The following ZNF658 variants were observed in gnomAD, a reference collection of about 807,000 sequenced individuals.
The protein encoded by ZNF658 is zinc finger protein 658.
A neutral mutation model predicts 78.0 loss-of-function variants in ZNF658; 46 were observed. The observed-to-expected ratio is 0.59, with a 90% CI of 0.47 to 0.75. ZNF658 has a LOEUF of 0.75. Among genes scored for constraint, ZNF658 ranks in the 30% least tolerant of loss-of-function variants. The probability of loss-of-function intolerance (pLI) is 0.00; values close to 1 mark genes in which losing one functional copy is unlikely to be tolerated. For missense variants in ZNF658, 785 were observed against 1,189.3 expected (o/e 0.66, Z 5.00); for synonymous variants, 279 against 408.4 (o/e 0.68, Z 3.82).
At position 66,918,826 on chromosome 9, in the gene ZNF658, C is replaced by A. The variant is rs748946508; in HGVS notation, c.1260C>A (p.Ser420=). Reference sequence around the variant, plus strand: ...ACCAATATGAGGAATGTGCAAAATCCTTTTGTTCAAGTTCACATCCTATTC... The same window carrying A: ...ACCAATATGAGGAATGTGCAAAATCATTTTGTTCAAGTTCACATCCTATTC... ...KTYQYEECAK[S]FCSSSHPIQH... The change falls in exon 5 of 5, where the codon TCC becomes TCA. Residue 420 remains serine (S), a synonymous_variant. Transcript: ENST00000621410. 1 of 1,612,846 alleles carries A rather than the reference C, an allele frequency of 6.2e-7. No individual in the cohort carries two copies. The highest frequency in any genetic ancestry group is 1.7e-5 in the Admixed American group (1 of 59,856).
At chr9:66,930,246 A>G (rs1403917074) in intron 6 of ZNF658, among the ~76,000 whole-genome samples, 1 of 128,200 alleles carries the variant, frequency 7.8e-6, no homozygotes, top group Non-Finnish European at 1.7e-5. Flanking sequence ...TGGGTTTATG[A>G]GTCAGATTTA....
rs778090967 is a variant in ZNF658, at chr9:66,918,175, T to C, written c.609T>C (p.Asp203=). The change falls in exon 5 of 5, where the codon GAT becomes GAC. Residue 203 remains aspartate, a synonymous_variant. Transcript: ENST00000621410. The stretch of plus-strand genomic sequence containing the variant: ...CTAAAGCTTTCAGTTATAAGAAAGA[T>C]CAGCATTGGAAATTTCAAACTTTGG... The part of the protein sequence containing the change: ...ENAKAFSYKK[D]QHWKFQTLEE... 2 of 1,607,990 alleles carry C rather than the reference T, an allele frequency of 1.2e-6. No homozygotes were observed. Among genetic ancestry groups the C allele is most frequent in the Non-Finnish European group, 1.7e-6 (2 of 1,177,932 alleles).
In ZNF658 at chr9:66,913,152, C is replaced by T. The variant is rs574269056; in HGVS notation, c.238+4418C>T. Among the ~76,000 whole-genome samples, 29 of 150,888 alleles carry T rather than the reference C, an allele frequency of 1.9e-4. No homozygotes were observed. In the South Asian group the frequency reaches 5.2e-3, roughly 27 times the overall value. On this transcript the variant is annotated intron_variant, in intron 4 of 4. Coordinates refer to ENST00000621410, the MANE Select transcript of ZNF658 (RefSeq NM_033160.7). Reference sequence around the variant, plus strand: ...TTAATGTAGAAGCCTCAGCTAGGCACGGTGGCTCACACCTGTAATCCTAGC... The same window carrying T: ...TTAATGTAGAAGCCTCAGCTAGGCATGGTGGCTCACACCTGTAATCCTAGC...
At chr9:66,910,639 T>G (rs1253265717) in intron 4 of ZNF658, among the ~76,000 whole-genome samples, 2 of 151,942 alleles carry the variant, frequency 1.3e-5, no homozygotes, top group Non-Finnish European at 2.9e-5. Flanking sequence ...AAACCCTGTC[T>G]CTACTAAAAA....
downstream of ZNF658, among the ~76,000 whole-genome samples, chr9:66,922,241 C>G (rs1257468571): frequency 4.0e-5 from 6 of 150,582 alleles, no homozygotes; most frequent in Admixed American, 4.0e-4. Context: ...TTTCCAGGTA[C>G]TGTCTGTCAG....
chr9:66,931,893 A>G (rs1478291663), intron 6 of ZNF658: 1 of 151,402 alleles, frequency 6.6e-6, no homozygotes, highest in Non-Finnish European at 1.5e-5. Flanking sequence ...AACCATAGCC[A>G]TCTGGTATTC....
At chr9:66,927,554 T>C (rs1822597823) in intron 6 of ZNF658, among the ~76,000 whole-genome samples, 2 of 147,238 alleles carry the variant, frequency 1.4e-5, no homozygotes, top group Admixed American at 6.8e-5. Flanking sequence ...TTACCATTCC[T>C]ATGTTCATTG....
chr9:66,901,819 C>T (rs1438426900), intron 1 of ZNF658, among the ~76,000 whole-genome samples: 1 of 151,918 alleles, frequency 6.6e-6, no homozygotes, highest in Non-Finnish European at 1.5e-5. Context: ...TGGTGCACTC[C>T]TGTAATCCCA....
intron 2 of ZNF658, among the ~76,000 whole-genome samples, chr9:66,906,261 C>G (rs557376008): frequency 1.3e-5 from 2 of 151,530 alleles, no homozygotes; most frequent in Admixed American, 1.3e-4. Flanking sequence ...CACCCCAAAC[C>G]TTAGGGTCAC....
In ZNF658 at chr9:66,918,654, A is replaced by C. The variant is rs1035627909; in HGVS notation, c.1088A>C (p.Tyr363Ser). 1 of 1,613,774 alleles carries C rather than the reference A, an allele frequency of 6.2e-7. No homozygotes were observed. Among genetic ancestry groups the C allele is most frequent in the Non-Finnish European group, 8.5e-7 (1 of 1,179,784 alleles). The stretch of plus-strand genomic sequence containing the variant: ...CATAATGAATGTACAGATGCCCTCT[A>C]CCAGAAATTAGACTTTACAGCACAT... ...GEHNECTDAL[Y>S]QKLDFTAHQR... Residue 363 changes from tyrosine (Y) to serine (S), a missense_variant, in exon 5 of 5, where the codon TAC becomes TCC. Tyr to Ser is a moderately radical substitution (Grantham distance 144, BLOSUM62 -2). Coordinates refer to ENST00000621410, the MANE Select transcript of ZNF658 (RefSeq NM_033160.7).
Position 66,908,351 on chromosome 9 carries a change from C to T in ZNF658, c.129C>T (p.His43=). The change falls in exon 3 of 5, where the codon CAC becomes CAT. Residue 43 remains histidine (H), a synonymous_variant. Coordinates refer to ENST00000621410, the MANE Select transcript of ZNF658 (RefSeq NM_033160.7). The part of the protein sequence containing the change: ...YRDVMLENYS[H]LISVGYCITK... The stretch of plus-strand genomic sequence containing the variant: ...ATGTGATGCTGGAGAACTACAGCCA[C>T]CTCATCTCAGTGGGTGAGCATAGCT... 5 of 1,614,010 alleles carry T rather than the reference C, an allele frequency of 3.1e-6. No individual in the cohort carries two copies. Among genetic ancestry groups the T allele is most frequent in the Non-Finnish European group, 4.2e-6 (5 of 1,179,976 alleles).
chr9:66,929,860 T>G (rs1254266311), intron 6 of ZNF658, among the ~76,000 whole-genome samples: 1 of 131,238 alleles, frequency 7.6e-6, no homozygotes, highest in Admixed American at 8.1e-5. Flanking sequence ...CTCGGCTCGC[T>G]GCAACCTTCG....
chr9:66,909,870 C>T (rs1822172464), intron 4 of ZNF658, among the ~76,000 whole-genome samples: 1 of 152,168 alleles, frequency 6.6e-6, no homozygotes, highest in Non-Finnish European at 1.5e-5. Context: ...AACAGAAATT[C>T]TCATGATTCT....
rs542593720 is a variant in ZNF658, at chr9:66,917,976, G to A, written c.410G>A (p.Cys137Tyr). 13 of 1,603,008 alleles carry A rather than the reference G, an allele frequency of 8.1e-6. No individual in the cohort carries two copies. The East Asian group carries it at 1.8e-4, about 22-fold the overall frequency. The change falls in exon 5 of 5, where the codon TGT becomes TAT. Residue 137 changes from cysteine (C) to tyrosine (Y), a missense_variant. Cys to Tyr is a radical substitution (Grantham distance 194). This residue lies in a region of ZNF658 where 54 missense variants were observed against 48.9 expected (regional missense o/e 1.10). Coordinates refer to ENST00000621410, the MANE Select transcript of ZNF658 (RefSeq NM_033160.7). ...CCAGAGCTTTCAGAAAAAATATCCTGTAAATGTGACTCACACAGAATGAAT... is the reference window on the plus strand; with the variant it reads ...CCAGAGCTTTCAGAAAAAATATCCTATAAATGTGACTCACACAGAATGAAT... The part of the protein sequence containing the change: ...IAPELSEKIS[C>Y]KCDSHRMNLP...
rs770230627 is a variant in ZNF658, at chr9:66,919,686, T to A, written c.2120T>A (p.Ile707Asn). Residue 707 changes from isoleucine (I) to asparagine (N), a missense_variant, in exon 5 of 5, where the codon ATT becomes AAT. Physicochemically the swap from Ile to Asn is moderately radical, Grantham distance 149. This residue lies in a region of ZNF658 where 75 missense variants were observed against 147.1 expected (regional missense o/e 0.51). Coordinates refer to ENST00000621410, the MANE Select transcript of ZNF658 (RefSeq NM_033160.7). Reference protein sequence around the residue: ...HNSALKIHQRIHTGEKPYECN... With the variant: ...HNSALKIHQRNHTGEKPYECN... ...TCAGCCCTCAAAATACATCAGAGAA[T>A]TCACACGGGGGAGAAACCCTATGAA... The A allele has an allele frequency of 1.2e-6, 2 of 1,612,720 alleles. No homozygotes were observed. Among genetic ancestry groups the A allele is most frequent in the African/African-American group, 2.7e-5 (2 of 74,788 alleles).
chr9:66,903,850 G>T (rs1822009961), intron 2 of ZNF658, among the ~76,000 whole-genome samples: 1 of 151,892 alleles, frequency 6.6e-6, no homozygotes, highest in South Asian at 2.1e-4. Flanking sequence ...GGTTTACATT[G>T]ATGAGAAAGA....
Position 66,920,094 on chromosome 9 carries a change from C to G in ZNF658, c.2528C>G (p.Ala843Gly), listed in dbSNP as rs770880133. ...KTFSQRTHLC[A>G]HQRIHTGEKP... ...TTCTCCCAAAGAACACACCTCTGTG[C>G]ACATCAGAGAATTCATACTGGGGAA... The change falls in exon 5 of 5, where the codon GCA becomes GGA. Residue 843 changes from alanine (A) to glycine (G), a missense_variant. Ala to Gly is a moderately conservative substitution (Grantham distance 60). Around this residue, in one of 12 missense-constraint regions of ZNF658, gnomAD observed 58 missense variants for 63.0 expected, o/e 0.92. Coordinates refer to ENST00000621410, the MANE Select transcript of ZNF658 (RefSeq NM_033160.7). 6.2e-7 allele frequency: 1 copy of G among 1,612,596 alleles called. No individual in the cohort carries two copies. Among genetic ancestry groups the G allele is most frequent in the Non-Finnish European group, 8.5e-7 (1 of 1,179,820 alleles).
chr9:66,928,143 ACTT>A (rs1284049443), intron 6 of ZNF658, among the ~76,000 whole-genome samples: 1 of 105,132 alleles, frequency 9.5e-6, no homozygotes, highest in Admixed American at 1.2e-4. Context: ...CTAGCAGGAA[ACTT>A]CTTCAACCTG....
At chr9:66,909,750 A>G (rs1430962749) in intron 4 of ZNF658, among the ~76,000 whole-genome samples, 3 of 152,160 alleles carry the variant, frequency 2.0e-5, no homozygotes, top group Non-Finnish European at 4.4e-5. Context: ...TTTTGATTCT[A>G]GCCACCCCAG....
Sources: allele counts gnomAD v4.1 joint callset (sites outside exome capture counted in the v4.1 genomes callset), GRCh38; gene constraint gnomAD v4.1.1; regional missense constraint gnomAD v4.1.1; transcripts MANE v1.5; gene names NCBI Gene and HGNC (gene_info 2026-07-23, HGNC 2026-07-21).